The following UNK variants were observed in gnomAD, a reference collection of about 807,000 sequenced individuals.
UNK encodes unk zinc finger.
In UNK, 32 loss-of-function variants were observed where a neutral mutation model predicts 97.6. The ratio of observed to expected loss-of-function variants is 0.33; its 90% CI spans 0.25 to 0.44. The LOEUF is 0.44. Among genes scored for constraint, UNK ranks in the 20% least tolerant of loss-of-function variants. The pLI is 1.00. For missense variants in UNK, 771 were observed against 1,098.4 expected, an observed-to-expected ratio of 0.70 and a Z score of 4.21; for synonymous variants, 441 against 461.2, an observed-to-expected ratio of 0.96 and a Z score of 0.56.
At chr17:75,807,399 T>TA (rs1209781367) in intron 1 of UNK, among the ~76,000 whole-genome samples, 1 of 152,326 alleles carries the variant, frequency 6.6e-6, no homozygotes, top group South Asian at 2.1e-4. Context: ...CCCTGTCTCT[T>TA]AAAAACAAAA....
intron 1 of UNK, among the ~76,000 whole-genome samples, chr17:75,803,058 T>C (rs1467905474): frequency 2.5e-5 from 2 of 78,562 alleles, no homozygotes; most frequent in Admixed American, 1.1e-4. Context: ...GTCAGGAGAT[T>C]GAGACCACCC....
chr17:75,816,309 T>C lies in UNK; in HGVS notation c.962-461T>C, dbSNP rs928923404. On this transcript the variant is annotated intron_variant, in intron 7 of 15. Coordinates refer to ENST00000589666, the MANE Select transcript of UNK (RefSeq NM_001080419.3). This position sits in a 1 kb window ranked among gnomAD's most constrained non-coding sequence, Gnocchi z 4.0. ...TCAGGCCCTATCTCTGAGATGAGAA[T>C]GGAAAATAAATCGAGGGCCCTGGGC... is the stretch of plus-strand genomic sequence containing the variant. 6.6e-6 allele frequency among the ~76,000 whole-genome samples: 1 copy of C among 152,172 alleles called. No homozygotes were observed. Among genetic ancestry groups the C allele is most frequent in the Non-Finnish European group, 1.5e-5 (1 of 68,036 alleles).
At position 75,818,057 on chromosome 17, in the gene UNK, AC is replaced by A; in HGVS notation, c.1306-40del. On this transcript the variant is annotated intron_variant, in intron 9 of 15. Transcript: ENST00000589666. This position sits in a 1 kb window ranked among gnomAD's most constrained non-coding sequence, Gnocchi z 5.1. ...GCCTCAGGGTCAGATGGACTCAGGG[AC>A]CCCCCAGCACCACATTCATCCACTC... is the stretch of plus-strand genomic sequence containing the variant. The A allele has an allele frequency of 1.2e-6, 2 of 1,601,608 alleles. No individual in the cohort carries two copies. Among genetic ancestry groups the A allele is most frequent in the East Asian group, 2.2e-5 (1 of 44,790 alleles).
chr17:75,819,610 CGT>C lies in UNK; in HGVS notation c.1547-72_1547-71del. Reference sequence around the variant, plus strand: ...GCGTAGCATGGGCGTGAAGATGCAGCGTGGGCAGTAGACGAGGTGGTCAGGGT... The same window carrying C: ...GCGTAGCATGGGCGTGAAGATGCAGCGGGCAGTAGACGAGGTGGTCAGGGT... On this transcript the variant is annotated intron_variant, in intron 11 of 15. Coordinates refer to ENST00000589666, the MANE Select transcript of UNK (RefSeq NM_001080419.3). The surrounding 1 kb of genome is among the most constrained non-coding windows in gnomAD (Gnocchi z 5.4). The C allele has an allele frequency of 2.2e-6, 3 of 1,375,230 alleles. No individual in the cohort carries two copies. The allele number at this position is 1,375,230 out of a possible 1,614,324, so 85.2% of individuals were successfully genotyped here.
chr17:75,790,798 G>T (rs565551993), intron 1 of UNK, among the ~76,000 whole-genome samples: 1 of 151,926 alleles, frequency 6.6e-6, no homozygotes, highest in African/African-American at 2.4e-5. Flanking sequence ...GGGCGTGGTG[G>T]TGCATGCCTG....
At chr17:75,797,288 T>C (rs867887663) in intron 1 of UNK, among the ~76,000 whole-genome samples, 11 of 152,242 alleles carry the variant, frequency 7.2e-5, no homozygotes, top group African/African-American at 2.7e-4. Flanking sequence ...CAGGCTGGAG[T>C]GCGGTGGCGC....
At chr17:75,790,522 C>G (rs970377974) in intron 1 of UNK, among the ~76,000 whole-genome samples, 11 of 151,730 alleles carry the variant, frequency 7.2e-5, no homozygotes, top group African/African-American at 2.7e-4. Flanking sequence ...GTCCTGGATA[C>G]TCAGGAGGCC....
At chr17:75,807,779 G>A (rs1302302911) in intron 1 of UNK, among the ~76,000 whole-genome samples, 6 of 151,872 alleles carry the variant, frequency 4.0e-5, no homozygotes, top group Admixed American at 2.6e-4. Context: ...AGTAGAGACC[G>A]GGTTTCAGCA....
Position 75,817,512 on chromosome 17 carries a change from A to C in UNK, c.1291A>C (p.Asn431His). 5 of 1,609,498 alleles carry C rather than the reference A, an allele frequency of 3.1e-6. No individual in the cohort carries two copies. The highest frequency in any genetic ancestry group is 4.2e-6 in the Non-Finnish European group (5 of 1,177,534). Reference protein sequence around the residue: ...EDQVGAEYLKNFKCQAKLKPH... With the variant: ...EDQVGAEYLKHFKCQAKLKPH... ...CCAGGTGGGAGCCGAGTACCTGAAA[A>C]ATTTCAAATGCCAGGTAAGGGATGA... The change falls in exon 9 of 16, where the codon AAT (asparagine) becomes CAT (histidine). Residue 431 changes from asparagine to histidine, a missense_variant. Asn to His is a moderately conservative substitution (Grantham distance 68). Coordinates refer to ENST00000589666, the MANE Select transcript of UNK (RefSeq NM_001080419.3). This position sits in a 1 kb window ranked among gnomAD's most constrained non-coding sequence, Gnocchi z 5.8.
At chr17:75,802,177 T>C (rs1360374684) in intron 1 of UNK, among the ~76,000 whole-genome samples, 1 of 151,172 alleles carries the variant, frequency 6.6e-6, no homozygotes, top group East Asian at 1.9e-4. Context: ...ATTGCTTGCT[T>C]TTCTGGGAAT....
intron 1 of UNK, chr17:75,793,863 G>A: frequency 1.0e-6 from 1 of 985,416 alleles, no homozygotes; most frequent in Non-Finnish European, 1.2e-6. Flanking sequence ...GTTATGTTCT[G>A]TAAAGAAGAG....
At chr17:75,810,113 A>G in intron 2 of UNK, 144 bp downstream of exon 2, 1 of 981,570 alleles carries the variant, frequency 1.0e-6, no homozygotes, top group Middle Eastern at 3.0e-4. Context: ...CTCAGACCCC[A>G]CCATCCCTGG....
At chr17:75,814,489 C>CAAAAAAAAAAA (rs59234903) in intron 6 of UNK, among the ~76,000 whole-genome samples, 1 of 70,022 alleles carries the variant, frequency 1.4e-5, no homozygotes, top group Non-Finnish European at 2.5e-5. Context: ...GAGACTCCAT[C>CAAAAAAAAAAA]AAAAAAAAAA....
intron 1 of UNK, among the ~76,000 whole-genome samples, chr17:75,805,822 G>A: frequency 6.6e-6 from 1 of 151,418 alleles, no homozygotes; most frequent in South Asian, 2.1e-4. Context: ...GTGTGTGTGT[G>A]TGTGTGTGTG....
At chr17:75,812,961 G>A in intron 4 of UNK, 117 bp from the exon 5 acceptor site, 2 of 1,386,500 alleles carry the variant, frequency 1.4e-6, no homozygotes, top group South Asian at 1.5e-5. Context: ...ATCTGGCAGG[G>A]GCCTCCTGTC....
At chr17:75,802,153 A>AT (rs1218863676) in intron 1 of UNK, among the ~76,000 whole-genome samples, 1 of 147,390 alleles carries the variant, frequency 6.8e-6, no homozygotes, top group African/African-American at 2.5e-5. Context: ...TGACCTAAAA[A>AT]TTTTTTTCTG....
intron 1 of UNK, among the ~76,000 whole-genome samples, chr17:75,801,870 G>C (rs2061862791): frequency 7.0e-6 from 1 of 143,482 alleles, no homozygotes; most frequent in Admixed American, 7.0e-5. Flanking sequence ...TTTTTTTGGA[G>C]ACAGAGTCTT....
Position 75,812,590 on chromosome 17 carries a change from A to G in UNK, c.622+5A>G. 2 of 1,612,334 alleles carry G rather than the reference A, an allele frequency of 1.2e-6. No homozygotes were observed. Among genetic ancestry groups the G allele is most frequent in the Non-Finnish European group, 1.7e-6 (2 of 1,179,478 alleles). On this transcript the variant is annotated splice_donor_5th_base_variant and intron_variant, in intron 4 of 15. Coordinates refer to ENST00000589666, the MANE Select transcript of UNK (RefSeq NM_001080419.3). Reference sequence around the variant, plus strand: ...GCGAGGAGCCTCGGTGGCAAGGTACAGGCATCCACACCTCGGCCGCGCCCT... The same window carrying G: ...GCGAGGAGCCTCGGTGGCAAGGTACGGGCATCCACACCTCGGCCGCGCCCT...
At position 75,816,805 on chromosome 17, in the gene UNK, G is replaced by A; in HGVS notation, c.997G>A (p.Ala333Thr). 6.2e-7 allele frequency: 1 copy of A among 1,606,210 alleles called. No homozygotes were observed. ...GAGTGACGACCTGCAGCCTTCCTCA[G>A]CTGTGTCCAGCCCCACCCAGCCAGG... is the stretch of plus-strand genomic sequence containing the variant. The part of the protein sequence containing the change: ...PLSDDLQPSS[A>T]VSSPTQPGPV... The change falls in exon 8 of 16, where the codon GCT becomes ACT. Residue 333 changes from alanine (A) to threonine (T), a missense_variant. Transcript: ENST00000589666. This position sits in a 1 kb window ranked among gnomAD's most constrained non-coding sequence, Gnocchi z 4.0.
Sources: gnomAD v4.1 joint callset for allele counts (sites outside exome capture counted in the v4.1 genomes callset) on GRCh38, gnomAD v4.1.1 for gene constraint, Gnocchi (gnomAD v3.1) non-coding constraint, MANE v1.5 for transcripts, NCBI Gene and HGNC (gene_info 2026-07-23, HGNC 2026-07-21) for gene names.